Variants in GAB2 observed in about 807,000 individuals in gnomAD.
GAB2 encodes the protein GRB2 associated binding protein 2, also known as GRB2-associated-binding protein 2.
In GAB2, 26 loss-of-function variants were observed where a neutral mutation model predicts 65.5. The ratio of observed to expected loss-of-function variants is 0.40; its 90% CI spans 0.29 to 0.55. The LOEUF is 0.55. Ranked by LOEUF, GAB2 falls within the 20% of genes least tolerant of loss-of-function variation. The pLI is 0.53. For synonymous variants in GAB2, 321 were observed against 329.6 expected, an observed-to-expected ratio of 0.97 and a Z score of 0.28; for missense variants, 884 against 875.8, an observed-to-expected ratio of 1.01 and a Z score of -0.12.
In GAB2 at chr11:78,274,164, A is replaced by T. The variant is rs546015044; in HGVS notation, c.376+6437T>A. On this transcript the variant is annotated intron_variant, in intron 2 of 9. Transcript: ENST00000361507. ...GTGGTGCACACCTGTAGTCCCAGTT[A>T]CTTGGAGGCTGAGGTGGGAGGATCA... Among the ~76,000 whole-genome samples, 95 of 152,330 alleles carry T rather than the reference A, an allele frequency of 6.2e-4. No individual in the cohort carries two copies. In the South Asian group the frequency reaches 0.019, roughly 30 times the overall value.
intron 1 of GAB2, among the ~76,000 whole-genome samples, chr11:78,361,565 C>T (rs1017773477): frequency 6.6e-6 from 1 of 152,130 alleles, no homozygotes; most frequent in Admixed American, 6.5e-5. Flanking sequence ...AGAACATTAA[C>T]CCTGCAGAAA....
In GAB2 at chr11:78,363,159, G is replaced by T. The variant is rs79242779; in HGVS notation, c.75+54487C>A. Among the ~76,000 whole-genome samples, 6 of 152,288 alleles carry T rather than the reference G, an allele frequency of 3.9e-5. No individual in the cohort carries two copies. In the East Asian group the frequency reaches 1.2e-3, roughly 29 times the overall value. The stretch of plus-strand genomic sequence containing the variant: ...ACTTAATTCCTAAGAAAATTAATCA[G>T]AACGGAAAGACATTCTTCCTGTCTG... On this transcript the variant is annotated intron_variant, in intron 1 of 9. Transcript: ENST00000361507.
chr11:78,297,875 CAT>C (rs1202748871), intron 1 of GAB2, among the ~76,000 whole-genome samples: 1 of 152,124 alleles, frequency 6.6e-6, no homozygotes, highest in East Asian at 1.9e-4. Flanking sequence ...GTATATATAG[CAT>C]ACACACATAC....
At chr11:78,253,494 A>G (rs1193219264) in intron 2 of GAB2, among the ~76,000 whole-genome samples, 2 of 152,016 alleles carry the variant, frequency 1.3e-5, no homozygotes, top group Admixed American at 1.3e-4. Context: ...GGATCTCACT[A>G]TGTTGCCCAG....
intron 1 of GAB2, among the ~76,000 whole-genome samples, chr11:78,351,349 G>T (rs1856275378): frequency 6.6e-6 from 1 of 152,096 alleles, no homozygotes; most frequent in African/African-American, 2.4e-5. Context: ...GCTCTAGGGG[G>T]CAGGGGATGC....
intron 1 of GAB2, among the ~76,000 whole-genome samples, chr11:78,285,951 G>A (rs1866469038): frequency 6.6e-6 from 1 of 152,066 alleles, no homozygotes; most frequent in South Asian, 2.1e-4. Context: ...GAGTGTTTTT[G>A]TACTTGTCTC....
At chr11:78,378,970 G>A (rs1289765691) in intron 1 of GAB2, among the ~76,000 whole-genome samples, 1 of 152,198 alleles carries the variant, frequency 6.6e-6, no homozygotes, top group Non-Finnish European at 1.5e-5. Flanking sequence ...AGGATAGATG[G>A]AGCCAGCTTC....
chr11:78,374,457 A>T (rs1591072701), intron 1 of GAB2, among the ~76,000 whole-genome samples: 1 of 152,178 alleles, frequency 6.6e-6, no homozygotes, highest in Admixed American at 6.5e-5. Context: ...CCGGGGGGGA[A>T]CCTGAAGTCC....
In GAB2 at chr11:78,226,838, G is replaced by A. The variant is rs1239184797; in HGVS notation, c.834C>T (p.Thr278=). 1.7e-5 allele frequency: 27 copies of A among 1,613,840 alleles called. No individual in the cohort carries two copies. Among genetic ancestry groups the A allele is most frequent in the Non-Finnish European group, 2.3e-5 (27 of 1,179,838 alleles). ...TCTCGGAGCCTGTGAGGCTGCCCTT[G>A]GTGTGGCCATGGGAGGCCAGGCTGC... ...LPRSLASHGH[T]KGSLTGSETD... Residue 278 remains threonine (T), a synonymous_variant, in exon 4 of 10, where the codon ACC becomes ACT. Coordinates refer to ENST00000361507, the MANE Select transcript of GAB2 (RefSeq NM_080491.3).
chr11:78,373,127 T>C (rs1360928548), intron 1 of GAB2, among the ~76,000 whole-genome samples: 1 of 152,156 alleles, frequency 6.6e-6, no homozygotes, highest in Non-Finnish European at 1.5e-5. Flanking sequence ...ATGAATAACT[T>C]GTATTTCTCT....
intron 1 of GAB2, among the ~76,000 whole-genome samples, chr11:78,352,966 T>C (rs935953597): frequency 1.3e-5 from 2 of 152,200 alleles, no homozygotes; most frequent in Non-Finnish European, 2.9e-5. Flanking sequence ...CTCTATTATA[T>C]GGGTACATAG....
intron 3 of GAB2, among the ~76,000 whole-genome samples, chr11:78,230,278 C>T (rs754173541): frequency 2.0e-5 from 3 of 152,212 alleles, no homozygotes; most frequent in Non-Finnish European, 4.4e-5. Context: ...CCCTCTACCC[C>T]GGCATCCTCC....
chr11:78,266,982 T>G (rs1179476996), intron 2 of GAB2, among the ~76,000 whole-genome samples: 1 of 152,164 alleles, frequency 6.6e-6, no homozygotes, highest in African/African-American at 2.4e-5. Flanking sequence ...GAGAAGCAGA[T>G]TTTTTTCAGT....
chr11:78,390,965 G>A (rs1233627011), intron 1 of GAB2, among the ~76,000 whole-genome samples: 1 of 152,194 alleles, frequency 6.6e-6, no homozygotes, highest in Non-Finnish European at 1.5e-5. Context: ...AGCAGAAATA[G>A]GGAAGTGGGC....
intron 1 of GAB2, among the ~76,000 whole-genome samples, chr11:78,306,495 G>C (rs1855362312): frequency 6.6e-6 from 1 of 152,346 alleles, no homozygotes; most frequent in East Asian, 1.9e-4. Context: ...GCCTCCCAAA[G>C]TGCTGGGATT....
intron 1 of GAB2, among the ~76,000 whole-genome samples, chr11:78,287,950 T>C (rs1377563866): frequency 6.6e-6 from 1 of 151,858 alleles, no homozygotes; most frequent in Non-Finnish European, 1.5e-5. Flanking sequence ...GCCCAGCCAC[T>C]GTTATCACTC....
At chr11:78,328,053 C>A (rs1202692449) in intron 1 of GAB2, among the ~76,000 whole-genome samples, 1 of 152,118 alleles carries the variant, frequency 6.6e-6, no homozygotes, top group Admixed American at 6.5e-5. Context: ...GTGGGCTGAT[C>A]ATTTGCTTGT....
chr11:78,337,309 G>A (rs542071655), intron 1 of GAB2, among the ~76,000 whole-genome samples: 23 of 152,248 alleles, frequency 1.5e-4, no homozygotes, highest in African/African-American at 5.5e-4. Context: ...AGGGCAAAAG[G>A]CAATATGCAA....
intron 1 of GAB2, among the ~76,000 whole-genome samples, chr11:78,362,767 A>G (rs1481018026): frequency 6.6e-6 from 1 of 152,172 alleles, no homozygotes; most frequent in Non-Finnish European, 1.5e-5. Flanking sequence ...GTTGAAATCA[A>G]AGGATGGAAA....
Sources: gnomAD v4.1 joint callset for allele counts (sites outside exome capture counted in the v4.1 genomes callset) on GRCh38, gnomAD v4.1.1 for gene constraint, MANE v1.5 for transcripts, NCBI Gene and HGNC (gene_info 2026-07-23, HGNC 2026-07-21) for gene names.